The following NKX1-2 variants were observed in gnomAD, a reference collection of about 807,000 sequenced individuals.
The protein encoded by NKX1-2 is NK1 transcription factor-related protein 2.
NKX1-2 carries 1 observed loss-of-function variant against 4.4 expected under a neutral mutation model. The observed-to-expected ratio is 0.23, with a 90% CI of 0.08 to 1.08. The LOEUF is 1.08. Ranked by LOEUF, NKX1-2 falls within the 50% of genes least tolerant of loss-of-function variation. The probability of loss-of-function intolerance (pLI) is 0.55; values close to 1 mark genes in which losing one functional copy is unlikely to be tolerated. For missense variants in NKX1-2, 503 were observed against 464.6 expected, an observed-to-expected ratio of 1.08 and a Z score of -0.76; for synonymous variants, 235 against 228.0, an observed-to-expected ratio of 1.03 and a Z score of -0.28.
At position 124,448,190 on chromosome 10, in the gene NKX1-2, C is replaced by T; in HGVS notation, c.215-43G>A. The T allele has an allele frequency of 1.4e-6, 2 of 1,400,640 alleles. No individual in the cohort carries two copies. Among genetic ancestry groups the T allele is most frequent in the Non-Finnish European group, 1.8e-6 (2 of 1,083,702 alleles). 86.8% of individuals were successfully genotyped at this position (1,400,640 alleles called of 1,614,324 possible). A position where few individuals can be genotyped will look rare whatever the true frequency, so the allele number is the denominator to read the frequency against. The stretch of plus-strand genomic sequence containing the variant: ...GGTGAACAGAAGCCTCTCCAGGTCC[C>T]CAAACCTCGTCCTCGTCCTCCCTAG... On this transcript the variant is annotated intron_variant, in intron 1 of 1. Transcript: ENST00000451024. This position sits in a 1 kb window ranked among gnomAD's most constrained non-coding sequence, Gnocchi z 4.1.
Position 124,448,114 on chromosome 10 carries a change from G to C in NKX1-2, c.248C>G (p.Pro83Arg). 2 of 1,506,262 alleles carry C rather than the reference G, an allele frequency of 1.3e-6. No individual in the cohort carries two copies. The highest frequency in any genetic ancestry group is 1.2e-5 in the South Asian group (1 of 81,874). 93.3% of individuals were successfully genotyped at this position (1,506,262 alleles called of 1,614,324 possible). A position where few individuals can be genotyped will look rare whatever the true frequency, so the allele number is the denominator to read the frequency against. ...AAGPGAGQASPLEGSEAEEEE... is the reference protein window; with the variant it reads ...AAGPGAGQASRLEGSEAEEEE... ...CTCTTCCGCCTCGGAACCCTCCAGG[G>C]GGGACGCCTGGCCGGCGCCTGGGCC... The change falls in exon 2 of 2, where the codon CCC becomes CGC. Residue 83 changes from proline to arginine, a missense_variant. Coordinates refer to ENST00000451024, the MANE Select transcript of NKX1-2 (RefSeq NM_001146340.3). This position sits in a 1 kb window ranked among gnomAD's most constrained non-coding sequence, Gnocchi z 4.1.
chr10:124,447,481 G>A lies in NKX1-2; in HGVS notation c.881C>T (p.Ala294Val). The A allele has an allele frequency of 7.9e-7, 1 of 1,270,838 alleles. No homozygotes were observed. Among genetic ancestry groups the A allele is most frequent in the Non-Finnish European group, 1.0e-6 (1 of 1,004,364 alleles). The allele number at this position is 1,270,838 out of a possible 1,614,324, so 78.7% of individuals were successfully genotyped here. The part of the protein sequence containing the change: ...LTAAAPGSPF[A>V]PFLGPSYLTP... ...CAGGTAGGAAGGCCCAAGGAACGGC[G>A]CGAAAGGGCTCCCGGGGGCGGCAGC... Residue 294 changes from alanine to valine, a missense_variant, in exon 2 of 2, where the codon GCG becomes GTG. Coordinates refer to ENST00000451024, the MANE Select transcript of NKX1-2 (RefSeq NM_001146340.3).
rs1304421104 is a variant in NKX1-2, at chr10:124,445,645, G to A, written c.*1784C>T. Reference sequence around the variant, plus strand: ...AGGAGTGTTTACCGAAGTGTAAGGTGAATATTATCTAGTAGAGTAACTGCA... The same window carrying A: ...AGGAGTGTTTACCGAAGTGTAAGGTAAATATTATCTAGTAGAGTAACTGCA... On this transcript the variant is annotated 3_prime_UTR_variant, in exon 2 of 2. Coordinates refer to ENST00000451024, the MANE Select transcript of NKX1-2 (RefSeq NM_001146340.3). 6.6e-6 allele frequency: 1 copy of A among 152,182 alleles called. No individual in the cohort carries two copies. The highest frequency in any genetic ancestry group is 2.4e-5 in the African/African-American group (1 of 41,438). The allele number at this position is 152,182 out of a possible 1,614,324, so 9.4% of individuals were successfully genotyped here. A position where few individuals can be genotyped will look rare whatever the true frequency, so the allele number is the denominator to read the frequency against.
chr10:124,447,748 G>A lies in NKX1-2; in HGVS notation c.614C>T (p.Thr205Met), dbSNP rs1283829495. Residue 205 changes from threonine to methionine, a missense_variant, in exon 2 of 2, where the codon ACG becomes ATG. Physicochemically the swap from Thr to Met is moderately conservative, Grantham distance 81 (BLOSUM62 -1). Coordinates refer to ENST00000451024, the MANE Select transcript of NKX1-2 (RefSeq NM_001146340.3). ...ATTCTGGAACCAGATTTTGACCTGC[G>A]TCTCGGTGAGGCTGAGAGACAGCGC... ...NLALSLSLTE[T>M]QVKIWFQNRR... 14 of 1,478,512 alleles carry A rather than the reference G, an allele frequency of 9.5e-6. No individual in the cohort carries two copies. Among genetic ancestry groups the A allele is most frequent in the Non-Finnish European group, 1.2e-5 (13 of 1,107,594 alleles). The allele number at this position is 1,478,512 out of a possible 1,614,324, so 91.6% of individuals were successfully genotyped here.
In NKX1-2 at chr10:124,447,353, G is replaced by C. The variant is rs1182062705; in HGVS notation, c.*76C>G. On this transcript the variant is annotated 3_prime_UTR_variant, in exon 2 of 2. Transcript: ENST00000451024. ...CTGACACCCGCGCACCTGCACCCCC[G>C]GTGGAGGAGCCGAGGGCACACGACG... 8.9e-7 allele frequency: 1 copy of C among 1,122,496 alleles called. No individual in the cohort carries two copies. Among genetic ancestry groups the C allele is most frequent in the African/African-American group, 1.6e-5 (1 of 61,914 alleles). 69.5% of individuals were successfully genotyped at this position (1,122,496 alleles called of 1,614,324 possible). A position where few individuals can be genotyped will look rare whatever the true frequency, so the allele number is the denominator to read the frequency against.
Position 124,445,422 on chromosome 10 carries a change from G to T in NKX1-2, c.*2007C>A. The T allele has an allele frequency of 6.6e-6, 1 of 152,276 alleles. No homozygotes were observed. 9.4% of individuals were successfully genotyped at this position (152,276 alleles called of 1,614,324 possible). A position where few individuals can be genotyped will look rare whatever the true frequency, so the allele number is the denominator to read the frequency against. ...GAATTACAGCACCGTGCTGGGCCAC[G>T]AACAGATCAGCCTCCCACCTCTCTC... On this transcript the variant is annotated 3_prime_UTR_variant, in exon 2 of 2. Transcript: ENST00000451024.
chr10:124,446,495 C>G lies in NKX1-2; in HGVS notation c.*934G>C, dbSNP rs1291613316. ...CCATCCTGGCTCACTATTGGGAGCC[C>G]AGGAATCCCTGGGACAGGCAGATAA... On this transcript the variant is annotated 3_prime_UTR_variant, in exon 2 of 2. Transcript: ENST00000451024. 1 of 152,226 alleles carries G rather than the reference C, an allele frequency of 6.6e-6. No individual in the cohort carries two copies. Among genetic ancestry groups the G allele is most frequent in the East Asian group, 1.9e-4 (1 of 5,200 alleles). The allele number at this position is 152,226 out of a possible 1,614,324, so 9.4% of individuals were successfully genotyped here.
At position 124,449,101 on chromosome 10, in the gene NKX1-2, G is replaced by A. The variant is rs1952272632; in HGVS notation, c.214+629C>T. 6.6e-6 allele frequency among the ~76,000 whole-genome samples: 1 copy of A among 152,196 alleles called. No homozygotes were observed. Among genetic ancestry groups the A allele is most frequent in the Non-Finnish European group, 1.5e-5 (1 of 68,038 alleles). ...CATCAGGTGTCCGCCAGCGTTGGGA[G>A]TAATTCAGAAAGGGTTTCGAGAAGA... On this transcript the variant is annotated intron_variant, in intron 1 of 1. Transcript: ENST00000451024. The surrounding 1 kb of genome is among the most constrained non-coding windows in gnomAD (Gnocchi z 7.5).
Position 124,447,339 on chromosome 10 carries a change from G to T in NKX1-2, c.*90C>A. The T allele has an allele frequency of 1.3e-6, 1 of 793,260 alleles. No individual in the cohort carries two copies. Among genetic ancestry groups the T allele is most frequent in the Non-Finnish European group, 1.7e-6 (1 of 593,204 alleles). 49.1% of individuals were successfully genotyped at this position (793,260 alleles called of 1,614,324 possible). A position where few individuals can be genotyped will look rare whatever the true frequency, so the allele number is the denominator to read the frequency against. On this transcript the variant is annotated 3_prime_UTR_variant, in exon 2 of 2. Coordinates refer to ENST00000451024, the MANE Select transcript of NKX1-2 (RefSeq NM_001146340.3). Reference sequence around the variant, plus strand: ...CGGGCAGGGGTGCGCTGACACCCGCGCACCTGCACCCCCGGTGGAGGAGCC... The same window carrying T: ...CGGGCAGGGGTGCGCTGACACCCGCTCACCTGCACCCCCGGTGGAGGAGCC...
chr10:124,447,560 A>G lies in NKX1-2; in HGVS notation c.802T>C (p.Ser268Pro). The G allele has an allele frequency of 7.8e-7, 1 of 1,274,934 alleles. No homozygotes were observed. Among genetic ancestry groups the G allele is most frequent in the Non-Finnish European group, 9.9e-7 (1 of 1,008,326 alleles). 79.0% of individuals were successfully genotyped at this position (1,274,934 alleles called of 1,614,324 possible). A position where few individuals can be genotyped will look rare whatever the true frequency, so the allele number is the denominator to read the frequency against. The part of the protein sequence containing the change: ...TGALHFQTFP[S>P]YSAANVLFPS... The stretch of plus-strand genomic sequence containing the variant: ...AAGAGGACATTGGCCGCGGAGTAGG[A>G]GGGGAAAGTCTGGAAGTGCAGAGCG... Residue 268 changes from serine (S) to proline (P), a missense_variant, in exon 2 of 2, where the codon TCC becomes CCC. Ser to Pro is a moderately conservative substitution (Grantham distance 74, BLOSUM62 -1). Coordinates refer to ENST00000451024, the MANE Select transcript of NKX1-2 (RefSeq NM_001146340.3).
In NKX1-2 at chr10:124,447,935, G is replaced by C. The variant is rs1231468888; in HGVS notation, c.427C>G (p.Pro143Ala). The change falls in exon 2 of 2, where the codon CCG becomes GCG. Residue 143 changes from proline (P) to alanine (A), a missense_variant. Pro to Ala is a conservative substitution (Grantham distance 27). Transcript: ENST00000451024. ...DGGGGPVRSP[P>A]GSPGSPRPRR... ...GGACGCGGGGAGCCGGGGGATCCCG[G>C]GGGGGACCTCACAGGGCCGCCCCCG... 2.9e-6 allele frequency: 4 copies of C among 1,400,422 alleles called. No individual in the cohort carries two copies. The highest frequency in any genetic ancestry group is 3.7e-6 in the Non-Finnish European group (4 of 1,078,062). 86.7% of individuals were successfully genotyped at this position (1,400,422 alleles called of 1,614,324 possible).
chr10:124,447,543 A>C lies in NKX1-2; in HGVS notation c.819T>G (p.Asn273Lys). ...FQTFPSYSAANVLFPSAASFP... is the reference protein window; with the variant it reads ...FQTFPSYSAAKVLFPSAASFP... ...AGGAGGCGGCGGACGGGAAGAGGACATTGGCCGCGGAGTAGGAGGGGAAAG... is the reference window on the plus strand; with the variant it reads ...AGGAGGCGGCGGACGGGAAGAGGACCTTGGCCGCGGAGTAGGAGGGGAAAG... Residue 273 changes from asparagine (N) to lysine (K), a missense_variant, in exon 2 of 2, where the codon AAT (asparagine) becomes AAG (lysine). Physicochemically the swap from Asn to Lys is moderately conservative, Grantham distance 94. Transcript: ENST00000451024. The C allele has an allele frequency of 7.8e-7, 1 of 1,274,916 alleles. No homozygotes were observed. Among genetic ancestry groups the C allele is most frequent in the Non-Finnish European group, 9.9e-7 (1 of 1,007,154 alleles). The allele number at this position is 1,274,916 out of a possible 1,614,324, so 79.0% of individuals were successfully genotyped here. A position where few individuals can be genotyped will look rare whatever the true frequency, so the allele number is the denominator to read the frequency against.
In NKX1-2 at chr10:124,447,646, CCTGG is replaced by C; in HGVS notation, c.712_715del (p.Pro238GlyfsTer46). The C allele has an allele frequency of 7.6e-7, 1 of 1,323,882 alleles. No individual in the cohort carries two copies. 82.0% of individuals were successfully genotyped at this position (1,323,882 alleles called of 1,614,324 possible). ...GCCGCCGCCGCCGCCCCCCGCCGCCCCTGGCTGGGGCGCGCCACCCCCCACCTGC... is the reference window on the plus strand; with the variant it reads ...GCCGCCGCCGCCGCCCCCCGCCGCCCCTGGGGCGCGCCACCCCCCACCTGC... On this transcript the variant is annotated frameshift_variant, in exon 2 of 2. Transcript: ENST00000451024. LOFTEE classifies it low-confidence loss of function (END_TRUNC).
rs1747915446 is a variant in NKX1-2 at position 124,447,633 on chromosome 10, G to A, written c.729C>T (p.Gly243=). 7.8e-7 allele frequency: 1 copy of A among 1,280,882 alleles called. No individual in the cohort carries two copies. Among genetic ancestry groups the A allele is most frequent in the Non-Finnish European group, 9.9e-7 (1 of 1,014,488 alleles). The allele number at this position is 1,280,882 out of a possible 1,614,324, so 79.3% of individuals were successfully genotyped here. A position where few individuals can be genotyped will look rare whatever the true frequency, so the allele number is the denominator to read the frequency against. The change falls in exon 2 of 2, where the codon GGC becomes GGT. Residue 243 remains glycine, a synonymous_variant. Transcript: ENST00000451024. ...TGCCCCCCGAGCCGCCGCCGCCGCC[G>A]CCCCCCGCCGCCCCTGGCTGGGGCG... The part of the protein sequence containing the change: ...GGAPQPGAAG[G]GGGGGSGGSP...
rs1268900431 is a variant in NKX1-2 at position 124,447,811 on chromosome 10, G to A, written c.551C>T (p.Ala184Val). 1 of 1,479,600 alleles carries A rather than the reference G, an allele frequency of 6.8e-7. No homozygotes were observed. Among genetic ancestry groups the A allele is most frequent in the Non-Finnish European group, 9.0e-7 (1 of 1,108,148 alleles). 91.7% of individuals were successfully genotyped at this position (1,479,600 alleles called of 1,614,324 possible). The change falls in exon 2 of 2, where the codon GCC (alanine) becomes GTC (valine). Residue 184 changes from alanine (A) to valine (V), a missense_variant. By Grantham distance (64) the Ala-to-Val change is moderately conservative (BLOSUM62 0). Transcript: ENST00000451024. ...CTCGCACACTGACAGGTAGCGCGTGGCCCGGAACTTGTTCTCCAAGGCCAC... is the reference window on the plus strand; with the variant it reads ...CTCGCACACTGACAGGTAGCGCGTGACCCGGAACTTGTTCTCCAAGGCCAC... The part of the protein sequence containing the change: ...QLVALENKFR[A>V]TRYLSVCERL...
Position 124,447,730 on chromosome 10 carries a change from A to T in NKX1-2, c.632T>A (p.Phe211Tyr). 6.8e-7 allele frequency: 1 copy of T among 1,468,218 alleles called. No homozygotes were observed. 90.9% of individuals were successfully genotyped at this position (1,468,218 alleles called of 1,614,324 possible). ...SLTETQVKIW[F>Y]QNRRTKWKKQ... ...CTTCCACTTGGTCCTGCGATTCTGG[A>T]ACCAGATTTTGACCTGCGTCTCGGT... The change falls in exon 2 of 2, where the codon TTC becomes TAC. Residue 211 changes from phenylalanine (F) to tyrosine (Y), a missense_variant. Transcript: ENST00000451024.
In NKX1-2 at chr10:124,447,231, G is replaced by A; in HGVS notation, c.*198C>T. The A allele has an allele frequency of 2.6e-6, 1 of 388,728 alleles. No homozygotes were observed. The highest frequency in any genetic ancestry group is 4.6e-6 in the Non-Finnish European group (1 of 218,840). The allele number at this position is 388,728 out of a possible 1,614,324, so 24.1% of individuals were successfully genotyped here. On this transcript the variant is annotated 3_prime_UTR_variant, in exon 2 of 2. Transcript: ENST00000451024. ...AAGGTCCAGAAACGGCAAGGCTTGA[G>A]GTCAGCCTCCGTCCCCGGACACTTT...
Position 124,449,655 on chromosome 10 carries a change from G to T in NKX1-2, c.214+75C>A. ...GACGCTGTTAAGGGCCACTCACCGG[G>T]CCCGGCTGTTCCCCCATACACTCCG... On this transcript the variant is annotated intron_variant, in intron 1 of 1. Transcript: ENST00000451024. The surrounding 1 kb of genome is among the most constrained non-coding windows in gnomAD (Gnocchi z 7.5). 1 of 1,123,280 alleles carries T rather than the reference G, an allele frequency of 8.9e-7. No homozygotes were observed. 69.6% of individuals were successfully genotyped at this position (1,123,280 alleles called of 1,614,324 possible).
Position 124,449,670 on chromosome 10 carries a change from C to G in NKX1-2, c.214+60G>C. The G allele has an allele frequency of 3.2e-6, 4 of 1,262,586 alleles. No individual in the cohort carries two copies. The South Asian group carries it at 5.1e-5, about 16-fold the overall frequency. The allele number at this position is 1,262,586 out of a possible 1,614,324, so 78.2% of individuals were successfully genotyped here. A position where few individuals can be genotyped will look rare whatever the true frequency, so the allele number is the denominator to read the frequency against. The stretch of plus-strand genomic sequence containing the variant: ...CACTCACCGGGCCCGGCTGTTCCCC[C>G]ATACACTCCGCATTGTTGGGGCTGA... On this transcript the variant is annotated intron_variant, in intron 1 of 1. Transcript: ENST00000451024. The surrounding 1 kb of genome is among the most constrained non-coding windows in gnomAD (Gnocchi z 7.5).
Sources: gnomAD v4.1 joint callset for allele counts (sites outside exome capture counted in the v4.1 genomes callset) on GRCh38, gnomAD v4.1.1 for gene constraint, Gnocchi (gnomAD v3.1) non-coding constraint, MANE v1.5 for transcripts, NCBI Gene and HGNC (gene_info 2026-07-23, HGNC 2026-07-21) for gene names.